The following RNF13 variants were observed in gnomAD, a reference collection of about 807,000 sequenced individuals.
RNF13 encodes the protein E3 ubiquitin-protein ligase RNF13.
Under a neutral mutation model 37.7 loss-of-function variants are expected in RNF13, and 19 were observed. That is an observed-to-expected ratio of 0.50 (90% confidence interval 0.35 to 0.74). RNF13 has a LOEUF of 0.74. Among genes scored for constraint, RNF13 ranks in the 30% least tolerant of loss-of-function variants. The probability of loss-of-function intolerance (pLI) is 0.01; values close to 1 mark genes in which losing one functional copy is unlikely to be tolerated. For synonymous variants in RNF13, 144 were observed against 157.8 expected, an observed-to-expected ratio of 0.91 and a Z score of 0.65; for missense variants, 375 against 453.0, an observed-to-expected ratio of 0.83 and a Z score of 1.56.
At chr3:149,937,755 A>T (rs1719847487) in intron 8 of RNF13, among the ~76,000 whole-genome samples, 1 of 152,026 alleles carries the variant, frequency 6.6e-6, no homozygotes. Flanking sequence ...ATATATTATT[A>T]TATATTTCTA....
At chr3:149,941,535 T>G (rs189641098) in intron 8 of RNF13, among the ~76,000 whole-genome samples, 70 of 151,716 alleles carry the variant, frequency 4.6e-4, no homozygotes, top group African/African-American at 1.7e-3. Context: ...ATTAGGTTTT[T>G]TTTTTTTTTT....
chr3:149,852,959 C>T (rs573021019), intron 3 of RNF13, among the ~76,000 whole-genome samples: 86 of 151,816 alleles, frequency 5.7e-4, no homozygotes, highest in Admixed American at 1.2e-3. Flanking sequence ...CTGTATTTAA[C>T]ACTAATAGAA....
intron 4 of RNF13, among the ~76,000 whole-genome samples, chr3:149,874,141 C>T (rs1261763528): frequency 6.6e-6 from 1 of 152,090 alleles, no homozygotes; most frequent in Non-Finnish European, 1.5e-5. Context: ...GTCTGTTGTA[C>T]ATGTTCTTTA....
In RNF13 at chr3:149,921,303, T is replaced by TTTA. The variant is rs1215760083; in HGVS notation, c.700+90_700+92dup. ...GGTGACTATACTCTTTAAAAAAATT[T>TTTA]TTATTATTATTATTATACTTTAAGT... On this transcript the variant is annotated intron_variant, in intron 8 of 9. Coordinates refer to ENST00000392894, the MANE Select transcript of RNF13 (RefSeq NM_183381.3). 9 of 438,730 alleles carry TTTA rather than the reference T, an allele frequency of 2.1e-5. No individual in the cohort carries two copies. The East Asian group carries it at 3.3e-4, about 16-fold the overall frequency. The allele number at this position is 438,730 out of a possible 1,614,324, so 27.2% of individuals were successfully genotyped here. A position where few individuals can be genotyped will look rare whatever the true frequency, so the allele number is the denominator to read the frequency against.
chr3:149,903,909 C>CTCTA (rs561349067), intron 6 of RNF13, among the ~76,000 whole-genome samples: 84 of 151,800 alleles, frequency 5.5e-4, no homozygotes, highest in Non-Finnish European at 7.7e-4. Context: ...TAAAGATCTA[C>CTCTA]TCTATCTATC....
chr3:149,860,282 T>A (rs1450886343), intron 3 of RNF13, among the ~76,000 whole-genome samples: 45 of 132,758 alleles, frequency 3.4e-4, no homozygotes, highest in Non-Finnish European at 4.9e-4. Context: ...TATATATATA[T>A]ATATATATAT....
intron 1 of RNF13, among the ~76,000 whole-genome samples, chr3:149,826,798 C>G (rs1244544329): frequency 6.6e-6 from 1 of 152,134 alleles, no homozygotes; most frequent in Non-Finnish European, 1.5e-5. Context: ...GCTCTGTCAC[C>G]CAGGCTGGAG....
At chr3:149,915,774 G>A (rs1410379735) in intron 7 of RNF13, among the ~76,000 whole-genome samples, 5 of 152,120 alleles carry the variant, frequency 3.3e-5, no homozygotes, top group African/African-American at 1.2e-4. Context: ...CTACTTACAC[G>A]AGGTACCTGG....
intron 8 of RNF13, among the ~76,000 whole-genome samples, chr3:149,933,027 G>A (rs1719316601): frequency 6.6e-6 from 1 of 152,216 alleles, no homozygotes; most frequent in South Asian, 2.1e-4. Context: ...CCTTTTGAAT[G>A]CTGCACACCT....
chr3:149,923,256 TTTTTG>T (rs981589401), intron 8 of RNF13, among the ~76,000 whole-genome samples: 8 of 152,248 alleles, frequency 5.3e-5, no homozygotes, highest in Middle Eastern at 3.4e-3. Context: ...TAATAGTTTT[TTTTTG>T]TTTTGTTTTT....
At chr3:149,852,954 T>C (rs550271496) in intron 3 of RNF13, among the ~76,000 whole-genome samples, 2 of 152,030 alleles carry the variant, frequency 1.3e-5, no homozygotes, top group East Asian at 3.9e-4. Flanking sequence ...TAAATCTGTA[T>C]TTAACACTAA....
chr3:149,954,121 TAAGTA>T (rs1012680402), intron 8 of RNF13, among the ~76,000 whole-genome samples: 6 of 152,278 alleles, frequency 3.9e-5, no homozygotes, highest in African/African-American at 1.2e-4. Flanking sequence ...TTTGACATCT[TAAGTA>T]AAAGGTCTGT....
chr3:149,877,222 A>G (rs1041414174), intron 4 of RNF13, among the ~76,000 whole-genome samples: 1 of 152,104 alleles, frequency 6.6e-6, no homozygotes, highest in Non-Finnish European at 1.5e-5. Context: ...TTGCAAAGTG[A>G]TTTACTTTAA....
chr3:149,926,213 T>C (rs1250891518), intron 8 of RNF13, among the ~76,000 whole-genome samples: 2 of 152,154 alleles, frequency 1.3e-5, no homozygotes, highest in African/African-American at 2.4e-5. Context: ...TTTTGTTTTG[T>C]CTTGATTTGT....
At chr3:149,940,847 CCT>C (rs1406731880) in intron 8 of RNF13, among the ~76,000 whole-genome samples, 5 of 151,752 alleles carry the variant, frequency 3.3e-5, no homozygotes, top group African/African-American at 1.2e-4. Context: ...CTAATAATTC[CCT>C]CTTTCTCTTC....
chr3:149,905,538 A>G (rs570300500), intron 6 of RNF13, among the ~76,000 whole-genome samples: 38 of 150,674 alleles, frequency 2.5e-4, no homozygotes, highest in Non-Finnish European at 4.4e-4. Context: ...TTATTTCACT[A>G]TGATGTTGGG....
At chr3:149,843,046 G>A (rs1373948629) in intron 1 of RNF13, among the ~76,000 whole-genome samples, 1 of 152,162 alleles carries the variant, frequency 6.6e-6, no homozygotes, top group Non-Finnish European at 1.5e-5. Flanking sequence ...TACATCCATG[G>A]ATTCAATCAA....
At chr3:149,886,551 T>C (rs1714053883) in intron 4 of RNF13, among the ~76,000 whole-genome samples, 1 of 152,198 alleles carries the variant, frequency 6.6e-6, no homozygotes, top group Admixed American at 6.5e-5. Flanking sequence ...TGCACATACA[T>C]ATAGTTTTAC....
intron 2 of RNF13, 66 bp downstream of exon 2, chr3:149,846,206 G>A: frequency 9.6e-7 from 1 of 1,046,708 alleles, no homozygotes; most frequent in Non-Finnish European, 1.5e-6. Flanking sequence ...AAAAAGCCTG[G>A]AATGATATTT....
Sources: allele counts gnomAD v4.1 joint callset (sites outside exome capture counted in the v4.1 genomes callset), GRCh38; gene constraint gnomAD v4.1.1; transcripts MANE v1.5; gene names NCBI Gene and HGNC (gene_info 2026-07-23, HGNC 2026-07-21).